The following INO80 variants were observed in gnomAD, a reference collection of about 807,000 sequenced individuals.
The protein encoded by INO80 is INO80 complex ATPase subunit, also known as chromatin-remodeling ATPase INO80.
Under a neutral mutation model 203.4 loss-of-function variants are expected in INO80, and 20 were observed. That is an observed-to-expected ratio of 0.10 (90% confidence interval 0.07 to 0.14). The LOEUF is 0.14. INO80 is among the 10% of genes least tolerant of loss of function. The pLI, the probability that INO80 is intolerant of heterozygous loss-of-function variation, is 1.00. For missense variants in INO80, 1,419 were observed against 1,914.4 expected (o/e 0.74, Z 4.83); for synonymous variants, 726 against 685.2 (o/e 1.06, Z -0.93).
chr15:41,083,370 C>T (rs2045514139), intron 7 of INO80, among the ~76,000 whole-genome samples: 1 of 151,480 alleles, frequency 6.6e-6, no homozygotes. Flanking sequence ...TTTACAGTAG[C>T]AAAACACCAC....
chr15:41,027,709 C>T lies in INO80; in HGVS notation c.2935G>A (p.Ala979Thr), dbSNP rs1220520407. ...ACCTGGTCTGAGTAGCCACTCACTG[C>T]TTTACAGTGGCTGCTGAAAACAAGA... is the stretch of plus-strand genomic sequence containing the variant. ...KSLVFSSHCK[A>T]VSGYSDQVVH... The change falls in exon 25 of 36, where the codon GCA becomes ACA. Residue 979 changes from alanine (A) to threonine (T), a missense_variant. This residue lies in a region of INO80 where 302 missense variants were observed against 345.4 expected (regional missense o/e 0.87). Transcript: ENST00000648947. The T allele has an allele frequency of 2.5e-6, 4 of 1,601,680 alleles. No individual in the cohort carries two copies. In the South Asian group the frequency reaches 4.5e-5, roughly 18 times the overall value.
rs372450301 is a variant in INO80 at position 41,089,603 on chromosome 15, C to T, written c.538-1921G>A. On this transcript the variant is annotated intron_variant, in intron 5 of 35. Coordinates refer to ENST00000648947, the MANE Select transcript of INO80 (RefSeq NM_017553.3). ...TACTAAAAATACAAAAATAGCCAGGCGCAGTGGCGCATGCCTGTAATCCCA... is the reference window on the plus strand; with the variant it reads ...TACTAAAAATACAAAAATAGCCAGGTGCAGTGGCGCATGCCTGTAATCCCA... Among the ~76,000 whole-genome samples the T allele has an allele frequency of 3.9e-5, 6 of 152,104 alleles. No individual in the cohort carries two copies. In the East Asian group the frequency reaches 1.2e-3, roughly 29 times the overall value.
chr15:41,048,426 A>G, intron 21 of INO80, 150 bp from the exon 22 acceptor site: 2 of 604,042 alleles, frequency 3.3e-6, no homozygotes, highest in Non-Finnish European at 6.0e-6. Context: ...GGCAAAAATC[A>G]TAGCATACAT....
intron 11 of INO80, 69 bp downstream of exon 11, chr15:41,073,359 C>T: frequency 7.9e-7 from 1 of 1,267,008 alleles, no homozygotes; most frequent in Non-Finnish European, 1.2e-6. Flanking sequence ...AAAGGAAGAC[C>T]ACCTAAGTAA....
intron 34 of INO80, chr15:40,983,356 C>T (rs186455943): frequency 2.2e-6 from 1 of 451,838 alleles, no homozygotes; most frequent in Admixed American, 3.8e-5. Context: ...TTGTCCATTA[C>T]AAAGGGAAGC....
chr15:41,025,512 C>T (rs982342138), intron 25 of INO80, among the ~76,000 whole-genome samples: 3 of 151,870 alleles, frequency 2.0e-5, no homozygotes, highest in African/African-American at 2.4e-5. Flanking sequence ...GTTAGGAGTT[C>T]GAGCCCAGCC....
In INO80 at chr15:41,069,625, G is replaced by T; in HGVS notation, c.1727C>A (p.Ala576Glu). 1 of 1,610,056 alleles carries T rather than the reference G, an allele frequency of 6.2e-7. No individual in the cohort carries two copies. The highest frequency in any genetic ancestry group is 8.5e-7 in the Non-Finnish European group (1 of 1,178,052). The change falls in exon 14 of 36, where the codon GCG becomes GAG. Residue 576 changes from alanine to glutamate, a missense_variant. Ala to Glu is a moderately radical substitution (Grantham distance 107). Coordinates refer to ENST00000648947, the MANE Select transcript of INO80 (RefSeq NM_017553.3). ...IWGPFLIISP[A>E]STLNNWHQEF... ...CTGGTGCCAATTGTTAAGTGTAGAC[G>T]CAGGTGAAATTATTAAGAAAGGTCC...
intron 9 of INO80, among the ~76,000 whole-genome samples, chr15:41,076,149 T>C (rs1190688586): frequency 6.6e-6 from 1 of 151,818 alleles, no homozygotes; most frequent in Admixed American, 6.6e-5. Context: ...TCACCTGAGG[T>C]CAGGAGTTCG....
chr15:41,013,806 G>A (rs1167571307), intron 27 of INO80, among the ~76,000 whole-genome samples: 1 of 152,162 alleles, frequency 6.6e-6, no homozygotes, highest in Non-Finnish European at 1.5e-5. Context: ...CATCCAAGAT[G>A]CATGTTATAC....
intron 16 of INO80, among the ~76,000 whole-genome samples, chr15:41,057,101 G>A (rs1176343242): frequency 6.6e-6 from 1 of 152,202 alleles, no homozygotes; most frequent in African/African-American, 2.4e-5. Flanking sequence ...GGAGAGAGCA[G>A]TTATGAGGAG....
intron 5 of INO80, 136 bp from the exon 6 acceptor site, chr15:41,087,818 C>G: frequency 1.3e-6 from 1 of 768,182 alleles, no homozygotes. Flanking sequence ...TCAGTAACAT[C>G]TAGTATATCT....
intron 28 of INO80, 36 bp from the exon 29 acceptor site, chr15:40,997,637 T>C (rs1244619408): frequency 7.0e-7 from 1 of 1,431,980 alleles, no homozygotes; most frequent in Non-Finnish European, 9.8e-7. Context: ...AAGGAAAAAC[T>C]GAAAAGAAAA....
At position 41,058,727 on chromosome 15, in the gene INO80, G is replaced by C; in HGVS notation, c.1897C>G (p.Leu633Val). ...PFHVVITSYQ[L>V]VVQDVKYFQR... ...AAATACTTTACATCCTGCACCACCAGCTGATAGCTGGTAATAACCACATGG... is the reference window on the plus strand; with the variant it reads ...AAATACTTTACATCCTGCACCACCACCTGATAGCTGGTAATAACCACATGG... Residue 633 changes from leucine (L) to valine (V), a missense_variant, in exon 16 of 36, where the codon CTG becomes GTG. Physicochemically the swap from Leu to Val is conservative, Grantham distance 32. This residue lies in a region of INO80 where 192 missense variants were observed against 406.7 expected (regional missense o/e 0.47). Coordinates refer to ENST00000648947, the MANE Select transcript of INO80 (RefSeq NM_017553.3). 1 of 1,614,022 alleles carries C rather than the reference G, an allele frequency of 6.2e-7. No individual in the cohort carries two copies. The highest frequency in any genetic ancestry group is 8.5e-7 in the Non-Finnish European group (1 of 1,179,962).
At chr15:41,026,992 C>T (rs756310888) in intron 25 of INO80, among the ~76,000 whole-genome samples, 12 of 152,194 alleles carry the variant, frequency 7.9e-5, no homozygotes, top group Non-Finnish European at 1.5e-4. Context: ...AGAAACTAAG[C>T]CCAATCTGCA....
At chr15:40,993,159 T>C (rs942744674) in intron 29 of INO80, among the ~76,000 whole-genome samples, 8 of 152,162 alleles carry the variant, frequency 5.3e-5, no homozygotes, top group African/African-American at 1.4e-4. Flanking sequence ...TACTTATGGA[T>C]CAGAGGCCTA....
intron 32 of INO80, among the ~76,000 whole-genome samples, chr15:40,984,836 A>G (rs941685949): frequency 3.3e-5 from 5 of 152,198 alleles, no homozygotes; most frequent in Admixed American, 2.0e-4. Context: ...TATTTTCTAC[A>G]TATCTGTTTT....
chr15:40,991,743 G>A (rs2043819279), intron 29 of INO80, among the ~76,000 whole-genome samples: 1 of 151,942 alleles, frequency 6.6e-6, no homozygotes, highest in South Asian at 2.1e-4. Flanking sequence ...AGTTTCAGGG[G>A]ATGAGAGAAT....
At chr15:41,109,820 T>C (rs865827990) in intron 1 of INO80, among the ~76,000 whole-genome samples, 30 of 151,736 alleles carry the variant, frequency 2.0e-4, no homozygotes, top group African/African-American at 6.8e-4. Flanking sequence ...TAGTCCTAGC[T>C]ACTCAGGAGG....
intron 24 of INO80, among the ~76,000 whole-genome samples, chr15:41,035,989 C>G (rs1014421165): frequency 6.7e-6 from 1 of 149,002 alleles, no homozygotes; most frequent in African/African-American, 2.5e-5. Context: ...CAAAACAAAA[C>G]AAAAAAACCC....
Sources: allele counts gnomAD v4.1 joint callset (sites outside exome capture counted in the v4.1 genomes callset), GRCh38; gene constraint gnomAD v4.1.1; regional missense constraint gnomAD v4.1.1; transcripts MANE v1.5; gene names NCBI Gene and HGNC (gene_info 2026-07-23, HGNC 2026-07-21).